The following PTPRT variants were observed in gnomAD, a reference collection of about 807,000 sequenced individuals.
PTPRT encodes the protein protein tyrosine phosphatase receptor type T, also known as receptor-type tyrosine-protein phosphatase T.
In PTPRT, 56 loss-of-function variants were observed where a neutral mutation model predicts 176.8. The ratio of observed to expected loss-of-function variants is 0.32; its 90% CI spans 0.26 to 0.40. The LOEUF (loss-of-function observed/expected upper bound fraction) is 0.40. PTPRT is among the 10% of genes least tolerant of loss of function. PTPRT has a pLI of 1.00. For missense variants in PTPRT, 1,540 were observed against 1,908.2 expected, an observed-to-expected ratio of 0.81 and a Z score of 3.60; for synonymous variants, 783 against 739.0, an observed-to-expected ratio of 1.06 and a Z score of -0.96.
At chr20:42,547,760 G>T (rs1232763489) in intron 7 of PTPRT, among the ~76,000 whole-genome samples, 1 of 151,914 alleles carries the variant, frequency 6.6e-6, no homozygotes, top group African/African-American at 2.4e-5. Context: ...ATCAGAATGA[G>T]GTGTAAATAT....
chr20:42,128,712 G>C, intron 19 of PTPRT, 42 bp downstream of exon 19: 2 of 1,511,162 alleles, frequency 1.3e-6, no homozygotes, highest in Non-Finnish European at 1.8e-6. Flanking sequence ...TCTTGAGCCT[G>C]CAAAAGCCAG....
At chr20:42,256,048 C>T (rs972042346) in intron 13 of PTPRT, among the ~76,000 whole-genome samples, 1 of 152,084 alleles carries the variant, frequency 6.6e-6, no homozygotes, top group Admixed American at 6.6e-5. Context: ...TATCTGGCAC[C>T]CAGTAGGGAA....
intron 7 of PTPRT, among the ~76,000 whole-genome samples, chr20:42,596,861 C>G (rs2073680510): frequency 6.6e-6 from 1 of 152,144 alleles, no homozygotes; most frequent in Non-Finnish European, 1.5e-5. Flanking sequence ...AATGGGAGCT[C>G]TCATAATGGT....
intron 1 of PTPRT, among the ~76,000 whole-genome samples, chr20:43,185,641 G>C (rs1330334648): frequency 1.3e-5 from 2 of 152,080 alleles, no homozygotes; most frequent in East Asian, 1.9e-4. Flanking sequence ...AAGAGGAAAA[G>C]GAGGAAAACT....
chr20:42,184,490 T>A (rs1990645673), intron 16 of PTPRT, among the ~76,000 whole-genome samples: 1 of 132,810 alleles, frequency 7.5e-6, no homozygotes. Flanking sequence ...TCTTCCCTCC[T>A]TCCTCCCCCC....
chr20:42,291,299 AAAGTAG>A (rs2057312958), intron 12 of PTPRT, among the ~76,000 whole-genome samples: 1 of 152,204 alleles, frequency 6.6e-6, no homozygotes, highest in South Asian at 2.1e-4. Context: ...AAATACGACC[AAAGTAG>A]ACATGGTCCC....
At chr20:42,095,583 T>C (rs8124637) in intron 27 of PTPRT, among the ~76,000 whole-genome samples, 9,289 of 152,294 alleles carry the variant, frequency 0.061, 364 homozygotes, top group African/African-American at 0.087. Context: ...GCAATGACAT[T>C]CTATGTCCCA....
chr20:42,286,931 T>C (rs1050975667), intron 12 of PTPRT, among the ~76,000 whole-genome samples: 1 of 151,730 alleles, frequency 6.6e-6, no homozygotes, highest in Non-Finnish European at 1.5e-5. Context: ...AATGGGCAAA[T>C]GATCTTAACA....
intron 9 of PTPRT, among the ~76,000 whole-genome samples, chr20:42,411,847 C>CA (rs3092295): frequency 0.14 from 20,807 of 150,076 alleles, 1,550 homozygotes; most frequent in African/African-American, 0.19. Flanking sequence ...CAAATATCTA[C>CA]AAAAAAAAAA....
intron 1 of PTPRT, among the ~76,000 whole-genome samples, chr20:43,119,830 G>A (rs529427094): frequency 6.6e-6 from 1 of 152,198 alleles, no homozygotes; most frequent in Admixed American, 6.5e-5. Flanking sequence ...CCAAGCACCT[G>A]TTAAGTGGCA....
At chr20:42,165,302 T>C (rs1299851752) in intron 16 of PTPRT, among the ~76,000 whole-genome samples, 1 of 152,212 alleles carries the variant, frequency 6.6e-6, no homozygotes, top group Non-Finnish European at 1.5e-5. Context: ...GTACCTATAC[T>C]GTACAATGCA....
intron 16 of PTPRT, among the ~76,000 whole-genome samples, chr20:42,176,727 GA>G (rs1990307054): frequency 6.6e-6 from 1 of 152,110 alleles, no homozygotes; most frequent in Non-Finnish European, 1.5e-5. Context: ...AGCTAAACTA[GA>G]AAAACTCAAT....
At chr20:42,899,423 C>T (rs1442609227) in intron 1 of PTPRT, among the ~76,000 whole-genome samples, 1 of 152,178 alleles carries the variant, frequency 6.6e-6, no homozygotes, top group Non-Finnish European at 1.5e-5. Context: ...CTTGCTGTTC[C>T]CCCATGGAAC....
intron 9 of PTPRT, among the ~76,000 whole-genome samples, chr20:42,368,861 T>G (rs1162011349): frequency 6.6e-6 from 1 of 152,214 alleles, no homozygotes; most frequent in Non-Finnish European, 1.5e-5. Context: ...CTTATCGCTG[T>G]CTCACTGGGT....
intron 16 of PTPRT, among the ~76,000 whole-genome samples, chr20:42,162,162 C>T (rs1210342660): frequency 6.6e-6 from 1 of 152,142 alleles, no homozygotes. Context: ...ACAGTGACCA[C>T]CTTCTTGCTA....
chr20:42,823,867 TA>T (rs1039460741), intron 2 of PTPRT, among the ~76,000 whole-genome samples: 4 of 150,934 alleles, frequency 2.7e-5, no homozygotes, highest in Admixed American at 6.6e-5. Flanking sequence ...ATTGAATACC[TA>T]AAAAAAACAC....
chr20:42,184,541 C>CTTCTTCTTCTTCTTCTTCTTCTTGTTCT (rs1555797958), intron 16 of PTPRT, among the ~76,000 whole-genome samples: 1 of 91,546 alleles, frequency 1.1e-5, no homozygotes, highest in African/African-American at 4.6e-5. Flanking sequence ...CTTCCTCTTC[C>CTTCTTCTTCTTCTTCTTCTTCTTGTTCT]TCTTCTTCTT....
At chr20:42,783,362 T>A (rs559011670) in intron 3 of PTPRT, among the ~76,000 whole-genome samples, 30 of 127,986 alleles carry the variant, frequency 2.3e-4, no homozygotes, top group Non-Finnish European at 4.3e-4. Flanking sequence ...TGTAAAGGAC[T>A]CTTGAGAATC....
intron 19 of PTPRT, among the ~76,000 whole-genome samples, chr20:42,123,364 T>C (rs1987685898): frequency 6.6e-6 from 1 of 152,208 alleles, no homozygotes; most frequent in African/African-American, 2.4e-5. Flanking sequence ...CCTACTACTA[T>C]GTACAAGGCA....
Sources: allele counts gnomAD v4.1 joint callset (sites outside exome capture counted in the v4.1 genomes callset), GRCh38; gene constraint gnomAD v4.1.1; transcripts MANE v1.5; gene names NCBI Gene and HGNC (gene_info 2026-07-23, HGNC 2026-07-21).